The following CDH13 variants were observed in gnomAD, a reference collection of about 807,000 sequenced individuals.
CDH13 encodes cadherin-13.
In CDH13, 24 loss-of-function variants were observed where a neutral mutation model predicts 63.8. The observed-to-expected ratio is 0.38, with a 90% CI of 0.27 to 0.53. The LOEUF (loss-of-function observed/expected upper bound fraction) is 0.53, where lower values mean the gene tolerates loss of function less well. CDH13 is among the 20% of genes least tolerant of loss of function. The pLI, the probability that CDH13 is intolerant of heterozygous loss-of-function variation, is 0.85. For missense variants in CDH13, 1,049 were observed against 903.1 expected (o/e 1.16, Z -2.07); for synonymous variants, 503 against 355.3 (o/e 1.42, Z -4.67).
intron 4 of CDH13, among the ~76,000 whole-genome samples, chr16:83,153,690 C>G (rs2037085977): frequency 6.6e-6 from 1 of 152,102 alleles, no homozygotes; most frequent in South Asian, 2.1e-4. Context: ...CCTATAAGAC[C>G]AACATACAAC....
chr16:83,032,425 G>A (rs879143053), intron 3 of CDH13: 6 of 556,872 alleles, frequency 1.1e-5, no homozygotes, highest in African/African-American at 3.8e-5. Context: ...CATAGTTCGT[G>A]GATTAATTCA....
At chr16:83,373,178 C>T (rs1297629707) in intron 6 of CDH13, among the ~76,000 whole-genome samples, 1 of 152,130 alleles carries the variant, frequency 6.6e-6, no homozygotes, top group Non-Finnish European at 1.5e-5. Flanking sequence ...TGCATAACAG[C>T]ATCCCAATAG....
chr16:83,586,312 G>C lies in CDH13; in HGVS notation c.961-16142G>C, dbSNP rs188512500. Among the ~76,000 whole-genome samples, 704 of 152,318 alleles carry C rather than the reference G, an allele frequency of 4.6e-3. 5 individuals are homozygous for C. Among genetic ancestry groups the C allele is most frequent in the African/African-American group, 0.016 (677 of 41,564 alleles). On this transcript the variant is annotated intron_variant, in intron 7 of 13. Transcript: ENST00000567109. ...TGAGGCAGGGATTTCCTCCCAGAGA[G>C]AGGGCGGTTGAGTTCAGTTCCCCTC...
intron 11 of CDH13, among the ~76,000 whole-genome samples, chr16:83,775,326 G>T (rs146618038): frequency 6.8e-4 from 104 of 151,862 alleles, no homozygotes; most frequent in African/African-American, 2.4e-3. Flanking sequence ...GGAGGCAGGG[G>T]CCATGACCTT....
intron 8 of CDH13, among the ~76,000 whole-genome samples, chr16:83,669,255 A>G (rs1412676542): frequency 6.6e-6 from 1 of 152,236 alleles, no homozygotes; most frequent in Admixed American, 6.5e-5. Flanking sequence ...CCCTCCAACC[A>G]TAATAACCAT....
intron 2 of CDH13, among the ~76,000 whole-genome samples, chr16:82,908,356 T>C (rs1390121956): frequency 1.3e-5 from 2 of 152,140 alleles, no homozygotes; most frequent in Admixed American, 1.3e-4. Flanking sequence ...ATTCCTCCCA[T>C]ATTGACAAGG....
At chr16:83,667,344 G>T (rs534523237) in intron 8 of CDH13, among the ~76,000 whole-genome samples, 1 of 152,134 alleles carries the variant, frequency 6.6e-6, no homozygotes, top group Non-Finnish European at 1.5e-5. Context: ...AAGCTGCACA[G>T]GTTTGTCTCA....
chr16:83,037,887 C>T (rs1427359937), intron 3 of CDH13, among the ~76,000 whole-genome samples: 2 of 152,250 alleles, frequency 1.3e-5, no homozygotes, highest in African/African-American at 4.8e-5. Context: ...AGTTGTTCTC[C>T]TGGGCATAGC....
chr16:82,986,328 A>G (rs72792114), intron 2 of CDH13, among the ~76,000 whole-genome samples: 23,844 of 152,218 alleles, frequency 0.16, 2,204 homozygotes, highest in Non-Finnish European at 0.21. Context: ...GACATTTGAT[A>G]CAATCAAAAC....
rs538801582 is a variant in CDH13, at chr16:82,743,616, A to C, written c.46-114746A>C. Among the ~76,000 whole-genome samples the C allele has an allele frequency of 8.5e-5, 13 of 152,286 alleles. No homozygotes were observed. The East Asian group carries it at 2.5e-3, about 29-fold the overall frequency. ...TTTTTCACCTAGACAGAGAATAGAC[A>C]TACCTTTCATGTACACAATTTAAAA... On this transcript the variant is annotated intron_variant, in intron 1 of 13. Transcript: ENST00000567109.
At chr16:83,524,687 G>C (rs1225197729) in intron 7 of CDH13, among the ~76,000 whole-genome samples, 4 of 151,850 alleles carry the variant, frequency 2.6e-5, no homozygotes, top group East Asian at 1.9e-4. Flanking sequence ...CTCCTGACCT[G>C]GTGATCCGCC....
chr16:83,625,355 G>T (rs1024077287), intron 8 of CDH13, among the ~76,000 whole-genome samples: 2 of 152,146 alleles, frequency 1.3e-5, no homozygotes, highest in Admixed American at 1.3e-4. Flanking sequence ...AGCTCCGCAT[G>T]TACCCTGTTT....
chr16:83,217,276 G>A, intron 4 of CDH13, 69 bp from the exon 5 acceptor site: 4 of 1,511,150 alleles, frequency 2.6e-6, no homozygotes, highest in Non-Finnish European at 2.7e-6. Flanking sequence ...GCTCATGGGA[G>A]TATGTTTGCA....
intron 2 of CDH13, among the ~76,000 whole-genome samples, chr16:82,937,323 A>C (rs1432332380): frequency 6.6e-6 from 1 of 151,844 alleles, no homozygotes; most frequent in Non-Finnish European, 1.5e-5. Flanking sequence ...TTTACTTTTC[A>C]TTGGAGGTTG....
chr16:82,685,291 C>G (rs12051052), intron 1 of CDH13, among the ~76,000 whole-genome samples: 1 of 152,242 alleles, frequency 6.6e-6, no homozygotes, highest in Non-Finnish European at 1.5e-5. Flanking sequence ...GGTGAGGTCC[C>G]GCTTTCCTCA....
chr16:82,962,798 T>C (rs2151346411), intron 2 of CDH13, among the ~76,000 whole-genome samples: 1 of 152,314 alleles, frequency 6.6e-6, no homozygotes, highest in East Asian at 1.9e-4. Context: ...ATGAGCTTGA[T>C]TCGCTGTGAA....
intron 5 of CDH13, among the ~76,000 whole-genome samples, chr16:83,233,429 C>A (rs1040564198): frequency 6.6e-6 from 1 of 152,186 alleles, no homozygotes; most frequent in African/African-American, 2.4e-5. Flanking sequence ...CTATTTCTGC[C>A]CAAACAAATT....
chr16:83,120,888 C>G (rs550694986), intron 3 of CDH13, among the ~76,000 whole-genome samples: 1 of 151,618 alleles, frequency 6.6e-6, no homozygotes, highest in Non-Finnish European at 1.5e-5. Flanking sequence ...CTCATCCTCC[C>G]GAGTAGCTGG....
chr16:83,691,071 CGTGTGTGTGTGTGTGTGTGTGT>C (rs58023339), intron 10 of CDH13, among the ~76,000 whole-genome samples: 12 of 141,004 alleles, frequency 8.5e-5, no homozygotes, highest in East Asian at 2.1e-4. Flanking sequence ...CCAACTGTGC[CGTGTGTGTGTGTGTGTGTGTGT>C]GTGTGTGTGT....
Sources: allele counts gnomAD v4.1 joint callset (sites outside exome capture counted in the v4.1 genomes callset), GRCh38; gene constraint gnomAD v4.1.1; transcripts MANE v1.5; gene names NCBI Gene and HGNC (gene_info 2026-07-23, HGNC 2026-07-21).